CRK: variants seen among roughly 807,000 people sequenced by gnomAD.
CRK encodes the protein adapter molecule crk.
In CRK, 4 loss-of-function variants were observed where a neutral mutation model predicts 29.8. The ratio of observed to expected loss-of-function variants is 0.13; its 90% CI spans 0.07 to 0.31. CRK has a LOEUF of 0.31. Ranked by LOEUF, CRK falls within the 10% of genes least tolerant of loss-of-function variation. The probability of loss-of-function intolerance (pLI) is 1.00; values close to 1 mark genes in which losing one functional copy is unlikely to be tolerated. For missense variants in CRK, 274 were observed against 396.5 expected (o/e 0.69, Z 2.62); for synonymous variants, 153 against 164.9 (o/e 0.93, Z 0.55).
intron 2 of CRK, among the ~76,000 whole-genome samples, chr17:1,431,049 AGAGT>A (rs1225565378): frequency 6.7e-6 from 1 of 150,346 alleles, no homozygotes; most frequent in African/African-American, 2.5e-5. Context: ...CCTGGGCGAC[AGAGT>A]GAGACTCCGT....
At chr17:1,440,413 T>C (rs1030319486) in intron 1 of CRK, among the ~76,000 whole-genome samples, 2 of 150,640 alleles carry the variant, frequency 1.3e-5, no homozygotes, top group African/African-American at 4.9e-5. Context: ...CACTGAGCCA[T>C]GATCGTGTCA....
intron 2 of CRK, 129 bp from the exon 3 acceptor site, chr17:1,423,779 T>C: frequency 1.7e-6 from 2 of 1,153,912 alleles, no homozygotes; most frequent in Non-Finnish European, 2.4e-6. Flanking sequence ...GGCCATTTGC[T>C]GCCTCCCCAG....
intron 2 of CRK, among the ~76,000 whole-genome samples, chr17:1,430,327 C>T (rs752830620): frequency 2.0e-5 from 3 of 151,484 alleles, no homozygotes; most frequent in African/African-American, 7.3e-5. Context: ...GGATTACAGG[C>T]GTGAACCACT....
chr17:1,443,866 AT>A (rs199670686), intron 1 of CRK, among the ~76,000 whole-genome samples: 2 of 147,498 alleles, frequency 1.4e-5, no homozygotes, highest in African/African-American at 5.0e-5. Flanking sequence ...CGCCCGGCTA[AT>A]TTTTTTGTAT....
At chr17:1,435,674 C>T (rs759543479) in intron 2 of CRK, among the ~76,000 whole-genome samples, 2 of 151,772 alleles carry the variant, frequency 1.3e-5, no homozygotes, top group South Asian at 2.1e-4. Context: ...CATGCCACCA[C>T]GCCTGGTGAT....
intron 1 of CRK, among the ~76,000 whole-genome samples, chr17:1,441,903 T>C (rs2073938151): frequency 6.6e-6 from 1 of 152,080 alleles, no homozygotes; most frequent in Non-Finnish European, 1.5e-5. Flanking sequence ...TGGCCCAGGC[T>C]GGAGTGCAGT....
At chr17:1,448,030 G>T (rs2073988211) in intron 1 of CRK, among the ~76,000 whole-genome samples, 1 of 152,078 alleles carries the variant, frequency 6.6e-6, no homozygotes, top group African/African-American at 2.4e-5. Context: ...AAAGGCCACT[G>T]GCTCGGGAGG....
chr17:1,433,205 T>C (rs2073860154), intron 2 of CRK, among the ~76,000 whole-genome samples: 1 of 152,170 alleles, frequency 6.6e-6, no homozygotes, highest in Admixed American at 6.5e-5. Context: ...ATGTTTGGAA[T>C]TCACTACACA....
Position 1,434,241 on chromosome 17 carries a change from C to T in CRK, c.777+2379G>A, listed in dbSNP as rs546410302. On this transcript the variant is annotated intron_variant, in intron 2 of 2. Coordinates refer to ENST00000300574, the MANE Select transcript of CRK (RefSeq NM_016823.4). ...AGGACAATTCAGCCTTAACAATTCA[C>T]CTGCATCAGAGATGGACTGAAACTG... Among the ~76,000 whole-genome samples, 8 of 152,214 alleles carry T rather than the reference C, an allele frequency of 5.3e-5. No individual in the cohort carries two copies. In the South Asian group the frequency reaches 1.2e-3, roughly 24 times the overall value.
rs547511308 is a variant in CRK at position 1,423,948 on chromosome 17, G to C, written c.778-298C>G. On this transcript the variant is annotated intron_variant, in intron 2 of 2. Coordinates refer to ENST00000300574, the MANE Select transcript of CRK (RefSeq NM_016823.4). Reference sequence around the variant, plus strand: ...GTGATAATTATTGGAAATCTCAGCTGTCTCTGCATGAGCAATCCCAACTTC... The same window carrying C: ...GTGATAATTATTGGAAATCTCAGCTCTCTCTGCATGAGCAATCCCAACTTC... Among the ~76,000 whole-genome samples, 5 of 152,172 alleles carry C rather than the reference G, an allele frequency of 3.3e-5. 1 individual carries two copies. The South Asian group carries it at 1.0e-3, about 32-fold the overall frequency.
At position 1,420,963 on chromosome 17, in the gene CRK, AAATT is replaced by A. The variant is rs1271941792; in HGVS notation, c.*2546_*2549del. On this transcript the variant is annotated 3_prime_UTR_variant, in exon 3 of 3. Coordinates refer to ENST00000300574, the MANE Select transcript of CRK (RefSeq NM_016823.4). ...ATTATTAACAATAAACAATTCCAACAAATTAATAAGAATTAACCATGTCAAATAT... is the reference window on the plus strand; with the variant it reads ...ATTATTAACAATAAACAATTCCAACAAATAAGAATTAACCATGTCAAATAT... The A allele has an allele frequency of 6.6e-6, 1 of 152,228 alleles. No homozygotes were observed. Among genetic ancestry groups the A allele is most frequent in the Non-Finnish European group, 1.5e-5 (1 of 68,050 alleles). 9.4% of individuals were successfully genotyped at this position (152,228 alleles called of 1,614,324 possible). A position where few individuals can be genotyped will look rare whatever the true frequency, so the allele number is the denominator to read the frequency against.
chr17:1,427,819 G>C (rs964955459), intron 2 of CRK, among the ~76,000 whole-genome samples: 11 of 151,742 alleles, frequency 7.2e-5, no homozygotes, highest in Non-Finnish European at 1.5e-4. Context: ...ATTTTTAGTA[G>C]AGACGGGGTC....
chr17:1,452,826 C>A (rs562432734), intron 1 of CRK, among the ~76,000 whole-genome samples: 1 of 151,016 alleles, frequency 6.6e-6, no homozygotes, highest in Non-Finnish European at 1.5e-5. Flanking sequence ...AGCAACTGAC[C>A]AGGCACAGTG....
In CRK at chr17:1,436,613, T is replaced by G; in HGVS notation, c.777+7A>C. The G allele has an allele frequency of 6.3e-7, 1 of 1,593,394 alleles. No individual in the cohort carries two copies. Among genetic ancestry groups the G allele is most frequent in the Non-Finnish European group, 8.5e-7 (1 of 1,172,150 alleles). ...TCTCTTCTTTCTACATTGTGCACGT[T>G]ATGTACCTCCAAAGCCAAGGCTGTC... is the stretch of plus-strand genomic sequence containing the variant. On this transcript the variant is annotated splice_region_variant and intron_variant, in intron 2 of 2. Coordinates refer to ENST00000300574, the MANE Select transcript of CRK (RefSeq NM_016823.4).
chr17:1,434,190 G>A (rs902906598), intron 2 of CRK, among the ~76,000 whole-genome samples: 1 of 152,098 alleles, frequency 6.6e-6, no homozygotes, highest in African/African-American at 2.4e-5. Flanking sequence ...CCCATCGACA[G>A]TCTTTCAAAT....
In CRK at chr17:1,420,733, T is replaced by C. The variant is rs2073715350; in HGVS notation, c.*2780A>G. 1 of 152,128 alleles carries C rather than the reference T, an allele frequency of 6.6e-6. No homozygotes were observed. Among genetic ancestry groups the C allele is most frequent in the Non-Finnish European group, 1.5e-5 (1 of 68,028 alleles). 9.4% of individuals were successfully genotyped at this position (152,128 alleles called of 1,614,324 possible). On this transcript the variant is annotated 3_prime_UTR_variant, in exon 3 of 3. Coordinates refer to ENST00000300574, the MANE Select transcript of CRK (RefSeq NM_016823.4). ...CACCAAGCCAAACATTTGGCCATAT[T>C]TTTATTTACTACATATACTATAAAC...
At position 1,456,194 on chromosome 17, in the gene CRK, G is replaced by T; in HGVS notation, c.-77C>A. 3 of 1,355,460 alleles carry T rather than the reference G, an allele frequency of 2.2e-6. No individual in the cohort carries two copies. The highest frequency in any genetic ancestry group is 3.8e-5 in the South Asian group (2 of 52,598). 84.0% of individuals were successfully genotyped at this position (1,355,460 alleles called of 1,614,324 possible). A position where few individuals can be genotyped will look rare whatever the true frequency, so the allele number is the denominator to read the frequency against. On this transcript the variant is annotated 5_prime_UTR_variant, in exon 1 of 3. Transcript: ENST00000300574. ...GGCCCCCGGCGCCCGCCGCCCAGCG[G>T]ACCGGCTCCGGTTTCAGCTTCACAG...
rs1186558086 is a variant in CRK at position 1,420,920 on chromosome 17, T to C, written c.*2593A>G. 1 of 152,168 alleles carries C rather than the reference T, an allele frequency of 6.6e-6. No individual in the cohort carries two copies. The highest frequency in any genetic ancestry group is 1.5e-5 in the Non-Finnish European group (1 of 68,032). The allele number at this position is 152,168 out of a possible 1,614,324, so 9.4% of individuals were successfully genotyped here. A position where few individuals can be genotyped will look rare whatever the true frequency, so the allele number is the denominator to read the frequency against. ...CAGTGAAATGTTACTTGTGGATAAT[T>C]AAAAATTATCTATTTGCATTATTAA... On this transcript the variant is annotated 3_prime_UTR_variant, in exon 3 of 3. Transcript: ENST00000300574.
At chr17:1,445,315 T>C (rs1288564065) in intron 1 of CRK, among the ~76,000 whole-genome samples, 2 of 152,148 alleles carry the variant, frequency 1.3e-5, no homozygotes, top group Admixed American at 1.3e-4. Flanking sequence ...TTTTTCATAT[T>C]ACCCAAAGTC....
Sources: allele counts gnomAD v4.1 joint callset (sites outside exome capture counted in the v4.1 genomes callset), GRCh38; gene constraint gnomAD v4.1.1; transcripts MANE v1.5; gene names NCBI Gene and HGNC (gene_info 2026-07-23, HGNC 2026-07-21).